Variants in KANK3 observed in about 807,000 individuals in gnomAD.
KANK3 encodes the protein KN motif and ankyrin repeat domains 3, also known as KN motif and ankyrin repeat domain-containing protein 3.
Under a neutral mutation model 65.4 loss-of-function variants are expected in KANK3, and 61 were observed. The observed-to-expected ratio is 0.93, with a 90% CI of 0.76 to 1.15. KANK3 has a LOEUF of 1.15. Among genes scored for constraint, KANK3 ranks in the 50% most tolerant of loss-of-function variants. KANK3 has a pLI of 0.00. For synonymous variants in KANK3, 586 were observed against 543.3 expected (o/e 1.08, Z -1.09); for missense variants, 1,187 against 1,178.8 (o/e 1.01, Z -0.10).
chr19:8,341,171 T>A (rs937882410), intron 1 of KANK3, among the ~76,000 whole-genome samples: 8 of 151,964 alleles, frequency 5.3e-5, no homozygotes, highest in Non-Finnish European at 7.4e-5. Context: ...TAACAACGCT[T>A]TTGATATTTA....
In KANK3 at chr19:8,334,035, G is replaced by T; in HGVS notation, c.1509C>A (p.Ser503=). 2 of 1,547,664 alleles carry T rather than the reference G, an allele frequency of 1.3e-6. No individual in the cohort carries two copies. The highest frequency in any genetic ancestry group is 1.9e-5 in the Admixed American group (1 of 52,660). Reference sequence around the variant, plus strand: ...CGCCGCTGTCATCCCCGGAGCCCGAGGAGCTACCCGGGGGCTCGGCGCCAC... The same window carrying T: ...CGCCGCTGTCATCCCCGGAGCCCGATGAGCTACCCGGGGGCTCGGCGCCAC... ...ENGGAEPPGS[S]SGSGDDSGGG... is the part of the protein sequence containing the mutation. The change falls in exon 5 of 11, where the codon TCC becomes TCA. Residue 503 remains serine, a synonymous_variant. Coordinates refer to ENST00000330915, the MANE Select transcript of KANK3 (RefSeq NM_198471.3).
rs775969566 is a variant in KANK3 at position 8,333,943 on chromosome 19, G to C, written c.1601C>G (p.Ala534Gly). The C allele has an allele frequency of 2.7e-5, 42 of 1,571,924 alleles. No homozygotes were observed. The highest frequency in any genetic ancestry group is 3.6e-5 in the Admixed American group (2 of 56,214). ...TGCCACCTGCTGAGGCTCTGCCTCC[G>C]CCTCGGGCTCAGGGTCCCGGATGTC... ...GGDIRDPEPEAEAEPQQVAQG... is the reference protein window; with the variant it reads ...GGDIRDPEPEGEAEPQQVAQG... The change falls in exon 5 of 11, where the codon GCG (alanine) becomes GGG (glycine). Residue 534 changes from alanine (A) to glycine (G), a missense_variant. Ala to Gly is a moderately conservative substitution (Grantham distance 60). This residue lies in a region of KANK3 where 1,078 missense variants were observed against 1,038.2 expected (regional missense o/e 1.04). Transcript: ENST00000330915. The surrounding 1 kb of genome is among the most constrained non-coding windows in gnomAD (Gnocchi z 5.0).
In KANK3 at chr19:8,334,786, C is replaced by G; in HGVS notation, c.1041G>C (p.Leu347=). Residue 347 remains leucine (L), a synonymous_variant, in exon 3 of 11, where the codon CTG becomes CTC. Transcript: ENST00000330915. ...CTAGCTCGCGCTCGGCGGCCGCAGGCAGCCCCAGCAGCGCCTCGGTCACCC... is the reference window on the plus strand; with the variant it reads ...CTAGCTCGCGCTCGGCGGCCGCAGGGAGCCCCAGCAGCGCCTCGGTCACCC... The part of the protein sequence containing the change: ...DAWVTEALLG[L]PAAAERELEL... The G allele has an allele frequency of 6.7e-7, 1 of 1,497,552 alleles. No homozygotes were observed. The highest frequency in any genetic ancestry group is 8.8e-7 in the Non-Finnish European group (1 of 1,132,334). 92.8% of individuals were successfully genotyped at this position (1,497,552 alleles called of 1,614,324 possible). A position where few individuals can be genotyped will look rare whatever the true frequency, so the allele number is the denominator to read the frequency against.
At chr19:8,336,282 G>C (rs186746424) in intron 2 of KANK3, among the ~76,000 whole-genome samples, 6 of 152,086 alleles carry the variant, frequency 3.9e-5, no homozygotes, top group African/African-American at 9.6e-5. Context: ...CTAAAAATAC[G>C]AAAATTAGCT....
At position 8,334,328 on chromosome 19, in the gene KANK3, G is replaced by A. The variant is rs1247637671; in HGVS notation, c.1419C>T (p.Leu473=). The A allele has an allele frequency of 1.2e-6, 2 of 1,613,988 alleles. No homozygotes were observed. The highest frequency in any genetic ancestry group is 1.7e-5 in the Admixed American group (1 of 60,010). ...AGGGGAAAGGCGCTCACTCTCCGTT[G>A]AGGACCCCAACAAACTGCAGGCTCT... ...GPKSLQFVGV[L]NGEYESSSSE... Residue 473 remains leucine (L), a synonymous_variant, in exon 4 of 11, where the codon CTC becomes CTT. Coordinates refer to ENST00000330915, the MANE Select transcript of KANK3 (RefSeq NM_198471.3).
intron 1 of KANK3, among the ~76,000 whole-genome samples, chr19:8,341,916 C>G (rs1328839106): frequency 6.6e-6 from 1 of 152,222 alleles, no homozygotes; most frequent in Admixed American, 6.5e-5. Context: ...TGCCTGGGTC[C>G]TGTCATAAAC....
At position 8,324,494 on chromosome 19, in the gene KANK3, G is replaced by A. The variant is rs770963540; in HGVS notation, c.2337C>T (p.Ala779=). The change falls in exon 10 of 11, where the codon GCC becomes GCT. Residue 779 remains alanine (A), a synonymous_variant. Transcript: ENST00000330915. The part of the protein sequence containing the change: ...IALEAEQDEV[A]ALLHAHLSSG... ...AGCTCAGGTGGGCATGTAGCAGAGC[G>A]GCCACCTCATCCTGCTCAGCCTCCA... 2.4e-5 allele frequency: 39 copies of A among 1,612,708 alleles called. No homozygotes were observed. The highest frequency in any genetic ancestry group is 8.4e-5 in the Admixed American group (5 of 59,828).
intron 7 of KANK3, among the ~76,000 whole-genome samples, chr19:8,331,185 A>T (rs1194626011): frequency 6.8e-6 from 1 of 146,250 alleles, no homozygotes; most frequent in East Asian, 2.1e-4. Context: ...ACAGAGCAAG[A>T]CTCCATATCA....
At chr19:8,331,786 T>C (rs958235032) in intron 7 of KANK3, among the ~76,000 whole-genome samples, 3 of 151,994 alleles carry the variant, frequency 2.0e-5, no homozygotes, top group African/African-American at 7.2e-5. Context: ...ATGCTGGCCA[T>C]TTACTGATCT....
chr19:8,325,114 G>T lies in KANK3; in HGVS notation c.1937-18C>A. 1 of 1,602,564 alleles carries T rather than the reference G, an allele frequency of 6.2e-7. No individual in the cohort carries two copies. Reference sequence around the variant, plus strand: ...GCAGGCCCCTGGGAGAGAAAAGGGGGCCGTCCACGGAGATGCCAACACCGC... The same window carrying T: ...GCAGGCCCCTGGGAGAGAAAAGGGGTCCGTCCACGGAGATGCCAACACCGC... On this transcript the variant is annotated intron_variant, in intron 7 of 10. Coordinates refer to ENST00000330915, the MANE Select transcript of KANK3 (RefSeq NM_198471.3).
Position 8,333,216 on chromosome 19 carries a change from G to A in KANK3, c.1734C>T (p.Leu578=), listed in dbSNP as rs768805076. The stretch of plus-strand genomic sequence containing the variant: ...ACACTCGAAACCACTCCTGGGCCAC[G>A]AGGCGCACTGCGCCCTGCAAGGGAC... ...GVASDGGAVR[L]VAQEWFRVSS... Residue 578 remains leucine, a synonymous_variant, in exon 7 of 11, where the codon CTC becomes CTT. Coordinates refer to ENST00000330915, the MANE Select transcript of KANK3 (RefSeq NM_198471.3). The surrounding 1 kb of genome is among the most constrained non-coding windows in gnomAD (Gnocchi z 5.0). 1.2e-6 allele frequency: 2 copies of A among 1,611,060 alleles called. No individual in the cohort carries two copies. Among genetic ancestry groups the A allele is most frequent in the Middle Eastern group, 1.7e-4 (1 of 5,878 alleles).
In KANK3 at chr19:8,335,053, C is replaced by G. The variant is rs1970608479; in HGVS notation, c.774G>C (p.Glu258Asp). Reference sequence around the variant, plus strand: ...GGCTGGCCCTGGCACGGCCGCCGCGCTCGGAGGTGGCCAGGCGCTCGGTGA... The same window carrying G: ...GGCTGGCCCTGGCACGGCCGCCGCGGTCGGAGGTGGCCAGGCGCTCGGTGA... ...RRLTERLATS[E>D]RGGRARASPR... The change falls in exon 3 of 11, where the codon GAG becomes GAC. Residue 258 changes from glutamate (E) to aspartate (D), a missense_variant. Transcript: ENST00000330915. 7.4e-7 allele frequency: 1 copy of G among 1,355,290 alleles called. No individual in the cohort carries two copies. Among genetic ancestry groups the G allele is most frequent in the Admixed American group, 4.0e-5 (1 of 25,138 alleles). 84.0% of individuals were successfully genotyped at this position (1,355,290 alleles called of 1,614,324 possible). A position where few individuals can be genotyped will look rare whatever the true frequency, so the allele number is the denominator to read the frequency against.
chr19:8,341,168 G>A lies in KANK3; in HGVS notation c.-29+2057C>T, dbSNP rs527739234. Among the ~76,000 whole-genome samples, 9 of 151,500 alleles carry A rather than the reference G, an allele frequency of 5.9e-5. No homozygotes were observed. In the South Asian group the frequency reaches 1.0e-3, roughly 18 times the overall value. ...CTCCAGAATGTCAAATAATAACAAC[G>A]CTTTTGATATTTACTATGGGCCAGC... is the stretch of plus-strand genomic sequence containing the variant. On this transcript the variant is annotated intron_variant, in intron 1 of 10. Coordinates refer to ENST00000330915, the MANE Select transcript of KANK3 (RefSeq NM_198471.3).
At chr19:8,340,291 T>TATATATATATATATATAC (rs1472181365) in intron 1 of KANK3, among the ~76,000 whole-genome samples, 2,272 of 92,124 alleles carry the variant, frequency 0.025, 43 homozygotes, top group Non-Finnish European at 0.038. Flanking sequence ...TATATATATA[T>TATATATATATATATATAC]ACACACACAC....
intron 7 of KANK3, among the ~76,000 whole-genome samples, chr19:8,329,420 G>T (rs975542649): frequency 7.0e-6 from 1 of 143,610 alleles, no homozygotes; most frequent in African/African-American, 2.6e-5. Flanking sequence ...CCGGGAGGCA[G>T]AGGTTGCAGT....
Position 8,322,913 on chromosome 19 carries a change from G to A in KANK3, c.2392C>T (p.Pro798Ser). The A allele has an allele frequency of 1.9e-6, 3 of 1,539,372 alleles. 1 individual carries two copies. In the South Asian group the frequency reaches 3.6e-5, roughly 19 times the overall value. The change falls in exon 11 of 11, where the codon CCC becomes TCC. Residue 798 changes from proline to serine, a missense_variant. Physicochemically the swap from Pro to Ser is moderately conservative, Grantham distance 74 (BLOSUM62 -1). Transcript: ENST00000330915. ...SGQPDTQSES[P>S]PGSQTATPGE... ...GGTGTGGCTGTCTGGGAGCCAGGGG[G>A]TGACTCGCTCTGGAGAGAGGGGAAA...
Position 8,336,739 on chromosome 19 carries a change from C to CAAAAA in KANK3, c.35-952_35-948dup, listed in dbSNP as rs576688863. 1.3e-4 allele frequency among the ~76,000 whole-genome samples: 14 copies of CAAAAA among 107,430 alleles called. 2 individuals are homozygous for CAAAAA. Among genetic ancestry groups the CAAAAA allele is most frequent in the Admixed American group, 2.1e-4 (2 of 9,488 alleles). The allele number at this position is 107,430 out of a possible 152,430, so 70.5% of individuals were successfully genotyped here. ...TGGGTGACAGAGTGAGACCCTGTCT[C>CAAAAA]AAAAAAAAAAAAAAAAAGGTTGGCG... On this transcript the variant is annotated intron_variant, in intron 2 of 10. Coordinates refer to ENST00000330915, the MANE Select transcript of KANK3 (RefSeq NM_198471.3).
chr19:8,335,599 G>A lies in KANK3; in HGVS notation c.228C>T (p.Pro76=), dbSNP rs1335493252. 4.9e-6 allele frequency: 6 copies of A among 1,231,610 alleles called. No homozygotes were observed. The highest frequency in any genetic ancestry group is 6.1e-6 in the Non-Finnish European group (6 of 982,994). 76.3% of individuals were successfully genotyped at this position (1,231,610 alleles called of 1,614,324 possible). The change falls in exon 3 of 11, where the codon CCC becomes CCT. Residue 76 remains proline (P), a synonymous_variant. Coordinates refer to ENST00000330915, the MANE Select transcript of KANK3 (RefSeq NM_198471.3). ...GPPTSRRPRA[P]RPGLAGARSP... ...TACGTGCGCCCGCGAGGCCGGGCCG[G>A]GGCGCGCGGGGACGGCGCGAGGTCG...
Position 8,333,582 on chromosome 19 carries a change from A to G in KANK3, c.1719+142T>C. On this transcript the variant is annotated intron_variant, in intron 6 of 10. Transcript: ENST00000330915. This position sits in a 1 kb window ranked among gnomAD's most constrained non-coding sequence, Gnocchi z 5.0. ...AGGAAAGATCGGCGCTGTCCTGGGA[A>G]GGAGATCCCTTCGGAGAGCCTGGGG... is the stretch of plus-strand genomic sequence containing the variant. 1 of 675,242 alleles carries G rather than the reference A, an allele frequency of 1.5e-6. No individual in the cohort carries two copies. Among genetic ancestry groups the G allele is most frequent in the Non-Finnish European group, 2.4e-6 (1 of 422,892 alleles). 41.8% of individuals were successfully genotyped at this position (675,242 alleles called of 1,614,324 possible). A position where few individuals can be genotyped will look rare whatever the true frequency, so the allele number is the denominator to read the frequency against.
Sources: gnomAD v4.1 joint callset for allele counts (sites outside exome capture counted in the v4.1 genomes callset) on GRCh38, gnomAD v4.1.1 for gene constraint, gnomAD v4.1.1 regional missense constraint, Gnocchi (gnomAD v3.1) non-coding constraint, MANE v1.5 for transcripts, NCBI Gene and HGNC (gene_info 2026-07-23, HGNC 2026-07-21) for gene names.